Variants in MSI2 observed in about 807,000 individuals in gnomAD.
The protein encoded by MSI2 is RNA-binding protein Musashi homolog 2.
A neutral mutation model predicts 45.6 loss-of-function variants in MSI2; 17 were observed. That is an observed-to-expected ratio of 0.37 (90% confidence interval 0.26 to 0.56). MSI2 has a LOEUF of 0.56. MSI2 is among the 20% of genes least tolerant of loss of function. MSI2 has a pLI of 0.77. For missense variants in MSI2, 293 were observed against 444.2 expected, an observed-to-expected ratio of 0.66 and a Z score of 3.06; for synonymous variants, 156 against 158.2, an observed-to-expected ratio of 0.99 and a Z score of 0.11.
intron 8 of MSI2, among the ~76,000 whole-genome samples, chr17:57,598,138 A>G (rs1268342613): frequency 6.6e-6 from 1 of 152,258 alleles, no homozygotes; most frequent in Non-Finnish European, 1.5e-5. Context: ...TTCTGGAACC[A>G]GTCCTTTGGA....
At chr17:57,493,118 C>T (rs1158632943) in intron 6 of MSI2, among the ~76,000 whole-genome samples, 1 of 152,142 alleles carries the variant, frequency 6.6e-6, no homozygotes, top group Non-Finnish European at 1.5e-5. Context: ...ACTGTGCCAC[C>T]AGAATTCTGA....
chr17:57,362,992 C>G (rs1463890218), intron 5 of MSI2, among the ~76,000 whole-genome samples: 2 of 152,168 alleles, frequency 1.3e-5, no homozygotes, highest in African/African-American at 2.4e-5. Flanking sequence ...ATTGTGTGGT[C>G]AGCAGTTCTA....
chr17:57,458,186 C>T (rs771997414), intron 6 of MSI2, among the ~76,000 whole-genome samples: 20 of 150,870 alleles, frequency 1.3e-4, no homozygotes, highest in African/African-American at 2.9e-4. Context: ...TTGCAAGCTC[C>T]GCCTCCCGGG....
intron 7 of MSI2, among the ~76,000 whole-genome samples, chr17:57,582,406 G>T (rs1167301703): frequency 6.6e-6 from 1 of 151,946 alleles, no homozygotes; most frequent in Non-Finnish European, 1.5e-5. Context: ...GATACATTAA[G>T]AATTTTATTT....
intron 6 of MSI2, among the ~76,000 whole-genome samples, chr17:57,519,747 T>C (rs1378672333): frequency 6.6e-6 from 1 of 152,174 alleles, no homozygotes; most frequent in Non-Finnish European, 1.5e-5. Context: ...CACAAAGCTC[T>C]TAGGGATTCA....
At chr17:57,583,495 T>TTTTTTC in intron 7 of MSI2, among the ~76,000 whole-genome samples, 1 of 149,064 alleles carries the variant, frequency 6.7e-6, no homozygotes, top group Non-Finnish European at 1.5e-5. Context: ...TTTCTTTTTT[T>TTTTTTC]TTTTTTTTTT....
chr17:57,701,316 C>T, the MSI2 span, among the ~76,000 whole-genome samples: 1 of 152,166 alleles, frequency 6.6e-6, no homozygotes, highest in Non-Finnish European at 1.5e-5. Flanking sequence ...AAGCCTAAAT[C>T]CCCAATTTGA....
At chr17:57,502,636 T>TATATATACATCATAG in intron 6 of MSI2, among the ~76,000 whole-genome samples, 1 of 96,904 alleles carries the variant, frequency 1.0e-5, no homozygotes, top group African/African-American at 3.5e-5. Flanking sequence ...TATATATATA[T>TATATATACATCATAG]AGTCATCATT....
At chr17:57,568,649 G>C (rs1299225573) in intron 7 of MSI2, among the ~76,000 whole-genome samples, 1 of 152,194 alleles carries the variant, frequency 6.6e-6, no homozygotes, top group Non-Finnish European at 1.5e-5. Flanking sequence ...TTTCCTGATA[G>C]AGGCCTTCAC....
chr17:57,597,385 C>G (rs1036363086), intron 8 of MSI2, among the ~76,000 whole-genome samples: 2 of 147,572 alleles, frequency 1.4e-5, no homozygotes, highest in East Asian at 4.0e-4. Flanking sequence ...AACCTCTGCA[C>G]TTTAGAAGGC....
At chr17:57,575,130 G>A (rs149810354) in intron 7 of MSI2, among the ~76,000 whole-genome samples, 2,794 of 148,618 alleles carry the variant, frequency 0.019, 30 homozygotes, top group Non-Finnish European at 0.029. Flanking sequence ...GTGCCCGGCC[G>A]CATTCTCTTT....
intron 5 of MSI2, among the ~76,000 whole-genome samples, chr17:57,297,409 AAAAC>A (rs1354393364): frequency 3.3e-5 from 5 of 152,178 alleles, no homozygotes; most frequent in Admixed American, 3.3e-4. Flanking sequence ...TTATGCCTAA[AAAAC>A]AATGTGCATG....
At chr17:57,451,758 C>T (rs915754291) in intron 6 of MSI2, among the ~76,000 whole-genome samples, 26 of 152,198 alleles carry the variant, frequency 1.7e-4, no homozygotes, top group African/African-American at 6.3e-4. Flanking sequence ...AGTAGCGAGA[C>T]CGGCACAGCT....
chr17:57,471,682 A>C (rs2085440396), intron 6 of MSI2, among the ~76,000 whole-genome samples: 1 of 152,096 alleles, frequency 6.6e-6, no homozygotes, highest in African/African-American at 2.4e-5. Context: ...GTGCAGCTGC[A>C]GGAGACCATG....
intron 6 of MSI2, among the ~76,000 whole-genome samples, chr17:57,521,361 G>A (rs997412461): frequency 1.3e-5 from 2 of 152,188 alleles, no homozygotes; most frequent in Admixed American, 6.5e-5. Context: ...TTCTCGTGGG[G>A]TTATTGTGAC....
chr17:57,471,341 A>T (rs1181076783), intron 6 of MSI2, among the ~76,000 whole-genome samples: 2 of 129,674 alleles, frequency 1.5e-5, no homozygotes. Flanking sequence ...CCCAGGCTGG[A>T]GTGCAGTGGT....
intron 5 of MSI2, among the ~76,000 whole-genome samples, chr17:57,322,051 C>A (rs1169956235): frequency 1.3e-5 from 2 of 152,178 alleles, no homozygotes; most frequent in Non-Finnish European, 2.9e-5. Context: ...CCCACCTTGG[C>A]CTCCCAAAGT....
chr17:57,488,464 T>C (rs2085799152), intron 6 of MSI2, among the ~76,000 whole-genome samples: 1 of 152,278 alleles, frequency 6.6e-6, no homozygotes, highest in South Asian at 2.1e-4. Context: ...TTCTTCCCCT[T>C]AGTTTTGGAG....
chr17:57,628,300 C>A (rs1443869461), intron 10 of MSI2: 1 of 152,264 alleles, frequency 6.6e-6, no homozygotes, highest in African/African-American at 2.4e-5. Flanking sequence ...AATTAGGAAG[C>A]AAAGGGAGTG....
Sources: gnomAD v4.1 joint callset for allele counts (sites outside exome capture counted in the v4.1 genomes callset) on GRCh38, gnomAD v4.1.1 for gene constraint, MANE v1.5 for transcripts, NCBI Gene and HGNC (gene_info 2026-07-23, HGNC 2026-07-21) for gene names.